MAP6: variants seen among roughly 807,000 people sequenced by gnomAD.
MAP6 encodes the protein microtubule-associated protein 6.
MAP6 carries 26 observed loss-of-function variants against 42.4 expected under a neutral mutation model. That is an observed-to-expected ratio of 0.61 (90% CI 0.45 to 0.85). The LOEUF (loss-of-function observed/expected upper bound fraction) is 0.85, where lower values mean the gene tolerates loss of function less well. Among genes scored for constraint, MAP6 ranks in the 40% least tolerant of loss-of-function variants. MAP6 has a pLI of 0.00. For missense variants in MAP6, 966 were observed against 1,099.0 expected, an observed-to-expected ratio of 0.88 and a Z score of 1.71; for synonymous variants, 418 against 443.8, an observed-to-expected ratio of 0.94 and a Z score of 0.73.
intron 1 of MAP6, among the ~76,000 whole-genome samples, chr11:75,648,817 T>C (rs1322190319): frequency 1.3e-5 from 2 of 152,200 alleles, no homozygotes; most frequent in African/African-American, 2.4e-5. Flanking sequence ...GCAAATTGTG[T>C]ATAAACACAT....
chr11:75,662,962 C>CTT (rs35877922), intron 1 of MAP6, among the ~76,000 whole-genome samples: 2 of 133,120 alleles, frequency 1.5e-5, no homozygotes, highest in African/African-American at 2.9e-5. Context: ...AGGATTTGTA[C>CTT]TTTTTTTTTT....
At chr11:75,632,639 A>T (rs942825541) in intron 1 of MAP6, among the ~76,000 whole-genome samples, 2 of 152,216 alleles carry the variant, frequency 1.3e-5, no homozygotes, top group Non-Finnish European at 2.9e-5. Flanking sequence ...TAAGGGATGT[A>T]CATAACCTCA....
chr11:75,643,257 C>T (rs1943505404), intron 1 of MAP6, among the ~76,000 whole-genome samples: 1 of 150,754 alleles, frequency 6.6e-6, no homozygotes, highest in Admixed American at 6.6e-5. Context: ...TTTTTTCTTG[C>T]AGAGCTGGTT....
rs747075341 is a variant in MAP6 at position 75,587,589 on chromosome 11, C to A, written c.1912G>T (p.Asp638Tyr). 41 of 1,614,030 alleles carry A rather than the reference C, an allele frequency of 2.5e-5. No homozygotes were observed. The highest frequency in any genetic ancestry group is 1.6e-4 in the Middle Eastern group (1 of 6,082). The change falls in exon 4 of 4, where the codon GAT (aspartate) becomes TAT (tyrosine). Residue 638 changes from aspartate to tyrosine, a missense_variant. By Grantham distance (160) the Asp-to-Tyr change is radical. Around this residue, in one of 2 missense-constraint regions of MAP6, gnomAD observed 943 missense variants for 1,049.9 expected, o/e 0.90. Coordinates refer to ENST00000304771, the MANE Select transcript of MAP6 (RefSeq NM_033063.2). ...TGCTCTGGGACCATGGGATCTTGAT[C>A]CTTGATAGGTGCTGAGACCATGGGA... ...EGPMVSAPIK[D>Y]QDPMVPEHPK...
At chr11:75,628,332 G>A (rs982048516) in intron 1 of MAP6, among the ~76,000 whole-genome samples, 1 of 152,184 alleles carries the variant, frequency 6.6e-6, no homozygotes. Flanking sequence ...AAGGGACTGT[G>A]GTATGAGATT....
chr11:75,655,743 C>T (rs1943738196), intron 1 of MAP6, among the ~76,000 whole-genome samples: 1 of 152,188 alleles, frequency 6.6e-6, no homozygotes, highest in Admixed American at 6.5e-5. Context: ...GCAGCCCTCC[C>T]AAGAATGGCA....
In MAP6 at chr11:75,605,936, C is replaced by T. The variant is rs758049311; in HGVS notation, c.1188G>A (p.Lys396=). ...CTGACACCGCCTGCTTGTCTTTGGC[C>T]TTCCTCGTGGGCTTATGGCTCGCTG... ...KTSASHKPTR[K]AKDKQAVSGQ... The change falls in exon 3 of 4, where the codon AAG becomes AAA. Residue 396 remains lysine (K), a synonymous_variant. Transcript: ENST00000304771. 1.9e-6 allele frequency: 3 copies of T among 1,614,140 alleles called. No homozygotes were observed. The South Asian group carries it at 3.3e-5, about 18-fold the overall frequency.
intron 1 of MAP6, among the ~76,000 whole-genome samples, chr11:75,609,338 G>A (rs923674756): frequency 2.0e-5 from 3 of 152,196 alleles, no homozygotes; most frequent in African/African-American, 7.2e-5. Flanking sequence ...GGCACAAAAA[G>A]CTGCACTGTG....
rs550520379 is a variant in MAP6 at position 75,654,463 on chromosome 11, C to T, written c.905+13002G>A. Among the ~76,000 whole-genome samples, 17 of 152,202 alleles carry T rather than the reference C, an allele frequency of 1.1e-4. No individual in the cohort carries two copies. The East Asian group carries it at 3.3e-3, about 29-fold the overall frequency. ...CAGAAACCCCCTTTCCTCTACAACT[C>T]CTCAATAGCCTGTGCACATTTCTAT... is the stretch of plus-strand genomic sequence containing the variant. On this transcript the variant is annotated intron_variant, in intron 1 of 3. Transcript: ENST00000304771.
chr11:75,662,337 T>C (rs879577636), intron 1 of MAP6, among the ~76,000 whole-genome samples: 2 of 152,216 alleles, frequency 1.3e-5, no homozygotes, highest in Non-Finnish European at 2.9e-5. Context: ...TAAAACTGTA[T>C]ATATGTGTAT....
intron 1 of MAP6, among the ~76,000 whole-genome samples, chr11:75,628,049 G>A (rs1943226444): frequency 1.3e-5 from 2 of 152,190 alleles, no homozygotes; most frequent in Admixed American, 1.3e-4. Context: ...GGGCTGTGCT[G>A]GAGCCATAGC....
chr11:75,630,058 G>A (rs1779311786), intron 1 of MAP6, among the ~76,000 whole-genome samples: 1 of 152,210 alleles, frequency 6.6e-6, no homozygotes, highest in Admixed American at 6.5e-5. Context: ...TATGAGTGAT[G>A]CGAGTGTGTG....
chr11:75,636,871 G>C (rs774455977), intron 1 of MAP6, among the ~76,000 whole-genome samples: 1 of 152,132 alleles, frequency 6.6e-6, no homozygotes, highest in African/African-American at 2.4e-5. Flanking sequence ...GACCCAACTT[G>C]GTGCTTCCTT....
chr11:75,635,445 G>T (rs765964952), intron 1 of MAP6, among the ~76,000 whole-genome samples: 2 of 152,212 alleles, frequency 1.3e-5, no homozygotes, highest in Non-Finnish European at 2.9e-5. Context: ...GCCAGGCGGC[G>T]TCTCGCTGCC....
chr11:75,588,638 C>A (rs990182116), intron 3 of MAP6, among the ~76,000 whole-genome samples: 8 of 152,070 alleles, frequency 5.3e-5, no homozygotes, highest in Admixed American at 2.0e-4. Flanking sequence ...GTTCTCAGGG[C>A]CTTCAAAGTT....
chr11:75,633,010 CTTTTTTT>C (rs57493803), intron 1 of MAP6, among the ~76,000 whole-genome samples: 4 of 137,972 alleles, frequency 2.9e-5, no homozygotes, highest in Admixed American at 1.4e-4. Context: ...TTTCTTTTTT[CTTTTTTT>C]TTTTTTGGCA....
chr11:75,605,618 C>T, intron 3 of MAP6, 190 bp downstream of exon 3: 17 of 1,386,476 alleles, frequency 1.2e-5, no homozygotes, highest in Non-Finnish European at 1.6e-5. Context: ...AGGCCTGCCA[C>T]TCAGTCTGTG....
chr11:75,613,380 G>A (rs1942939126), intron 1 of MAP6, among the ~76,000 whole-genome samples: 1 of 152,006 alleles, frequency 6.6e-6, no homozygotes, highest in African/African-American at 2.4e-5. Context: ...TGGTCACTTT[G>A]GCTCCTGGAA....
chr11:75,652,585 C>T (rs988382715), intron 1 of MAP6, among the ~76,000 whole-genome samples: 69 of 152,216 alleles, frequency 4.5e-4, no homozygotes, highest in Non-Finnish European at 3.7e-4. Context: ...TGACTGTAAT[C>T]CCAGCACTTT....
Sources: allele counts gnomAD v4.1 joint callset (sites outside exome capture counted in the v4.1 genomes callset), GRCh38; gene constraint gnomAD v4.1.1; regional missense constraint gnomAD v4.1.1; transcripts MANE v1.5; gene names NCBI Gene and HGNC (gene_info 2026-07-23, HGNC 2026-07-21).